The following KIAA1217 variants were observed in gnomAD, a reference collection of about 807,000 sequenced individuals.
The protein encoded by KIAA1217 is KIAA1217.
Under a neutral mutation model 163.9 loss-of-function variants are expected in KIAA1217, and 88 were observed. The ratio of observed to expected loss-of-function variants is 0.54; its 90% CI spans 0.45 to 0.64. The LOEUF (loss-of-function observed/expected upper bound fraction) is 0.64. KIAA1217 is among the 30% of genes least tolerant of loss of function. KIAA1217 has a pLI of 0.00. For synonymous variants in KIAA1217, 903 were observed against 923.1 expected (o/e 0.98, Z 0.39); for missense variants, 2,372 against 2,475.0 (o/e 0.96, Z 0.88).
chr10:24,239,415 G>C (rs1456697118), intron 2 of KIAA1217: 4 of 495,622 alleles, frequency 8.1e-6, no homozygotes, highest in Non-Finnish European at 1.0e-5. Context: ...TCTCGGCATT[G>C]TTCTCTTGGC....
intron 1 of KIAA1217, among the ~76,000 whole-genome samples, chr10:23,949,719 A>G (rs1844241248): frequency 6.6e-6 from 1 of 152,158 alleles, no homozygotes; most frequent in African/African-American, 2.4e-5. Flanking sequence ...GAAATTTTTT[A>G]TTTTAAAAAG....
intron 2 of KIAA1217, among the ~76,000 whole-genome samples, chr10:24,068,193 C>T (rs1217792112): frequency 6.6e-6 from 1 of 152,184 alleles, no homozygotes; most frequent in African/African-American, 2.4e-5. Context: ...GAACCCAGTA[C>T]CTCTGTTGGA....
chr10:23,821,780 C>T (rs1250581225), intron 1 of KIAA1217, among the ~76,000 whole-genome samples: 3 of 152,312 alleles, frequency 2.0e-5, no homozygotes, highest in East Asian at 3.9e-4. Flanking sequence ...TAGTGGGAGG[C>T]CTGTTTACCT....
At chr10:24,436,911 C>T (rs1048243994) in intron 4 of KIAA1217, among the ~76,000 whole-genome samples, 2 of 152,110 alleles carry the variant, frequency 1.3e-5, no homozygotes, top group African/African-American at 4.8e-5. Flanking sequence ...TAAACAGTTG[C>T]CTATCTCATC....
intron 2 of KIAA1217, among the ~76,000 whole-genome samples, chr10:24,063,333 G>A (rs1336659407): frequency 6.6e-6 from 1 of 152,152 alleles, no homozygotes; most frequent in Non-Finnish European, 1.5e-5. Flanking sequence ...GTAAGGAAGG[G>A]ATCCAGTTTC....
In KIAA1217 at chr10:24,473,380, G is replaced by T. The variant is rs140434196; in HGVS notation, c.999G>T (p.Gly333=). Residue 333 remains glycine, a synonymous_variant, in exon 6 of 21, where the codon GGG becomes GGT. Transcript: ENST00000376454. ...CCTCCCCGTCCAGAATTCCTTATGGGGGCACCCGCTCCATGGTTGTTCCTG... is the reference window on the plus strand; with the variant it reads ...CCTCCCCGTCCAGAATTCCTTATGGTGGCACCCGCTCCATGGTTGTTCCTG... The part of the protein sequence containing the change: ...MPPSPSRIPY[G]GTRSMVVPGN... 1 of 1,612,086 alleles carries T rather than the reference G, an allele frequency of 6.2e-7. No homozygotes were observed. The highest frequency in any genetic ancestry group is 8.5e-7 in the Non-Finnish European group (1 of 1,178,850).
intron 2 of KIAA1217, among the ~76,000 whole-genome samples, chr10:24,304,093 A>C (rs376049483): frequency 6.6e-5 from 10 of 152,070 alleles, no homozygotes; most frequent in East Asian, 3.9e-4. Flanking sequence ...GGTTGACTCA[A>C]CAGCTGCTAA....
chr10:24,121,181 G>C (rs1353869678), intron 2 of KIAA1217, among the ~76,000 whole-genome samples: 1 of 152,158 alleles, frequency 6.6e-6, no homozygotes, highest in East Asian at 1.9e-4. Flanking sequence ...TTCATTCATG[G>C]ATAGTATTTC....
intron 1 of KIAA1217, among the ~76,000 whole-genome samples, chr10:23,897,983 A>G (rs1841779158): frequency 6.6e-6 from 1 of 151,964 alleles, no homozygotes; most frequent in Non-Finnish European, 1.5e-5. Context: ...TCTTACAAGT[A>G]GACTTCTATT....
At chr10:24,282,091 G>C (rs2078009137) in intron 2 of KIAA1217, among the ~76,000 whole-genome samples, 1 of 152,058 alleles carries the variant, frequency 6.6e-6, no homozygotes, top group African/African-American at 2.4e-5. Context: ...AATCTGGCCA[G>C]GCATGGTGGC....
chr10:24,002,224 T>G (rs1437536791), intron 1 of KIAA1217, among the ~76,000 whole-genome samples: 4 of 152,192 alleles, frequency 2.6e-5, no homozygotes, highest in Non-Finnish European at 5.9e-5. Context: ...CGCCTAATTC[T>G]CCTTACAGCT....
rs191797097 is a variant in KIAA1217, at chr10:23,855,144, G to A, written c.-320-152081G>A. 2.0e-4 allele frequency among the ~76,000 whole-genome samples: 30 copies of A among 152,308 alleles called. 1 individual carries two copies. The highest frequency in any genetic ancestry group is 5.3e-4 in the African/African-American group (22 of 41,574). The stretch of plus-strand genomic sequence containing the variant: ...TTACAATTTGGCATGATTTCACAGT[G>A]GCTGGTACCGGTTGTTCCTTTCCAT... On this transcript the variant is annotated intron_variant, in intron 1 of 18. Transcript: ENST00000376462.
intron 2 of KIAA1217, among the ~76,000 whole-genome samples, chr10:24,368,097 TA>T (rs774215078): frequency 1.8e-4 from 28 of 152,360 alleles, no homozygotes; most frequent in Middle Eastern, 3.4e-3. Context: ...GTTTAGACAC[TA>T]AAGAGAATTT....
chr10:24,384,575 C>T (rs762606317), intron 3 of KIAA1217, among the ~76,000 whole-genome samples: 11 of 152,212 alleles, frequency 7.2e-5, no homozygotes, highest in Non-Finnish European at 1.2e-4. Flanking sequence ...GGCTCAGTGT[C>T]GCCCAGGCTG....
At chr10:24,425,847 A>C (rs771786896) in intron 3 of KIAA1217, among the ~76,000 whole-genome samples, 2 of 152,358 alleles carry the variant, frequency 1.3e-5, no homozygotes, top group Admixed American at 6.5e-5. Flanking sequence ...CCCAACAGTG[A>C]TATGTGGGAG....
chr10:23,886,967 T>A (rs1841202490), intron 1 of KIAA1217, among the ~76,000 whole-genome samples: 1 of 151,900 alleles, frequency 6.6e-6, no homozygotes, highest in African/African-American at 2.4e-5. Context: ...TGTAAGCCTA[T>A]CAAATAATGT....
intron 2 of KIAA1217, among the ~76,000 whole-genome samples, chr10:24,156,389 T>G (rs189986143): frequency 6.6e-6 from 1 of 152,358 alleles, no homozygotes; most frequent in Admixed American, 6.5e-5. Flanking sequence ...ATTTGGTTTG[T>G]TTCCAGTTTG....
chr10:24,164,795 G>A (rs1177372636), intron 2 of KIAA1217, among the ~76,000 whole-genome samples: 4 of 152,178 alleles, frequency 2.6e-5, no homozygotes, highest in Non-Finnish European at 5.9e-5. Flanking sequence ...GAAAGGCCCT[G>A]CTATCAGAAC....
chr10:24,381,055 G>A lies in KIAA1217; in HGVS notation c.541G>A (p.Glu181Lys). ...PVVRSTNQTK[E>K]RSLGVLYLQY... ...GGTGAGGTCAACCAACCAGACGAAA[G>A]AAAGATCTCTGGGTAAGCTTTAGAA... Residue 181 changes from glutamate to lysine, a missense_variant, in exon 3 of 21, where the codon GAA becomes AAA. This residue lies in a region of KIAA1217 where 1,431 missense variants were observed against 1,470.3 expected (regional missense o/e 0.97). Transcript: ENST00000376454. 6.4e-7 allele frequency: 1 copy of A among 1,563,482 alleles called. No homozygotes were observed. Among genetic ancestry groups the A allele is most frequent in the Non-Finnish European group, 8.7e-7 (1 of 1,154,012 alleles).
Sources: gnomAD v4.1 joint callset for allele counts (sites outside exome capture counted in the v4.1 genomes callset) on GRCh38, gnomAD v4.1.1 for gene constraint, gnomAD v4.1.1 regional missense constraint, MANE v1.5 for transcripts, NCBI Gene and HGNC (gene_info 2026-07-23, HGNC 2026-07-21) for gene names.